Variants in MAP3K1 observed in about 807,000 individuals in gnomAD.
MAP3K1 encodes the protein mitogen-activated protein kinase kinase kinase 1, also known as MAP/ERK kinase kinase 1.
In MAP3K1, 36 loss-of-function variants were observed where a neutral mutation model predicts 144.2. That is an observed-to-expected ratio of 0.25 (90% CI 0.19 to 0.33). The LOEUF (loss-of-function observed/expected upper bound fraction) is 0.33, where lower values mean the gene tolerates loss of function less well. Ranked by LOEUF, MAP3K1 falls within the 10% of genes least tolerant of loss-of-function variation. The probability of loss-of-function intolerance (pLI) is 1.00; values close to 1 mark genes in which losing one functional copy is unlikely to be tolerated. For missense variants in MAP3K1, 1,650 were observed against 1,881.9 expected (o/e 0.88, Z 2.28); for synonymous variants, 718 against 688.7 (o/e 1.04, Z -0.67).
At chr5:56,820,086 T>C (rs1746108210) in intron 1 of MAP3K1, among the ~76,000 whole-genome samples, 1 of 152,232 alleles carries the variant, frequency 6.6e-6, no homozygotes, top group Admixed American at 6.5e-5. Context: ...CATATAGATA[T>C]GCCTAGATAC....
Position 56,880,762 on chromosome 5 carries a change from A to G in MAP3K1, c.2139A>G (p.Gln713=). The G allele has an allele frequency of 3.1e-6, 5 of 1,613,818 alleles. No homozygotes were observed. Among genetic ancestry groups the G allele is most frequent in the Non-Finnish European group, 4.2e-6 (5 of 1,179,818 alleles). The part of the protein sequence containing the change: ...ISTLLELCKG[Q]AGELAVGREI... Reference sequence around the variant, plus strand: ...CACTGTTGGAACTGTGCAAAGGCCAAGCAGGAGAGTTGGCAGTTGGCAGAG... The same window carrying G: ...CACTGTTGGAACTGTGCAAAGGCCAGGCAGGAGAGTTGGCAGTTGGCAGAG... The change falls in exon 12 of 20, where the codon CAA becomes CAG. Residue 713 remains glutamine (Q), a synonymous_variant. Coordinates refer to ENST00000399503, the MANE Select transcript of MAP3K1 (RefSeq NM_005921.2).
At chr5:56,820,538 C>A (rs1157158511) in intron 1 of MAP3K1, 1 of 985,134 alleles carries the variant, frequency 1.0e-6, no homozygotes, top group Non-Finnish European at 1.2e-6. Context: ...GTATTTGGAT[C>A]ACCCTATCAT....
chr5:56,850,655 G>T (rs1035028877), intron 1 of MAP3K1, among the ~76,000 whole-genome samples: 2 of 152,140 alleles, frequency 1.3e-5, no homozygotes, highest in Admixed American at 6.5e-5. Context: ...ACCTGTGGGG[G>T]TTTGAATCTG....
chr5:56,830,953 A>G (rs746440156), intron 1 of MAP3K1, among the ~76,000 whole-genome samples: 4 of 151,544 alleles, frequency 2.6e-5, no homozygotes, highest in African/African-American at 7.3e-5. Flanking sequence ...GAGATTGCCT[A>G]CATTAAAAGC....
At chr5:56,864,184 C>G (rs910248960) in intron 3 of MAP3K1, among the ~76,000 whole-genome samples, 23 of 152,212 alleles carry the variant, frequency 1.5e-4, no homozygotes, top group African/African-American at 4.8e-4. Flanking sequence ...TATAAAATTA[C>G]CACATGGTTG....
chr5:56,894,983 G>T lies in MAP3K1; in HGVS notation c.*1303G>T, dbSNP rs1343662058. 4.3e-5 allele frequency: 10 copies of T among 231,266 alleles called. No homozygotes were observed. The highest frequency in any genetic ancestry group is 3.4e-4 in the Admixed American group (6 of 17,716). 14.3% of individuals were successfully genotyped at this position (231,266 alleles called of 1,614,324 possible). On this transcript the variant is annotated 3_prime_UTR_variant, in exon 20 of 20. Transcript: ENST00000399503. The stretch of plus-strand genomic sequence containing the variant: ...AAAATGGTAGCTTTTTAATCTTTTT[G>T]TGTGTGTGTGAGTCTTTTAAATCAA...
intron 2 of MAP3K1, among the ~76,000 whole-genome samples, chr5:56,859,467 C>A: frequency 6.6e-6 from 1 of 151,932 alleles, no homozygotes; most frequent in East Asian, 1.9e-4. Context: ...GTATGCATTA[C>A]AAAATTGTAA....
At chr5:56,849,233 C>T (rs566950204) in intron 1 of MAP3K1, among the ~76,000 whole-genome samples, 22 of 152,080 alleles carry the variant, frequency 1.4e-4, no homozygotes, top group Admixed American at 1.4e-3. Flanking sequence ...GCCTGTGGTC[C>T]CAGCTACTCG....
Position 56,838,498 on chromosome 5 carries a change from T to C in MAP3K1, c.483-18102T>C, listed in dbSNP as rs537206743. Among the ~76,000 whole-genome samples the C allele has an allele frequency of 2.0e-5, 3 of 152,352 alleles. No homozygotes were observed. The South Asian group carries it at 6.2e-4, about 32-fold the overall frequency. On this transcript the variant is annotated intron_variant, in intron 1 of 19. Transcript: ENST00000399503. ...TCATTGAAATGAGGAAGACATTATTTAGGAAGACAGTAATGATTCAGACTA... is the reference window on the plus strand; with the variant it reads ...TCATTGAAATGAGGAAGACATTATTCAGGAAGACAGTAATGATTCAGACTA...
At chr5:56,856,860 A>G in intron 2 of MAP3K1, 110 bp downstream of exon 2, 1 of 1,182,926 alleles carries the variant, frequency 8.5e-7, no homozygotes, top group South Asian at 1.3e-5. Flanking sequence ...TAAATGTAGT[A>G]GTTTTCTTTA....
At chr5:56,830,252 A>T (rs1746445568) in intron 1 of MAP3K1, among the ~76,000 whole-genome samples, 1 of 152,244 alleles carries the variant, frequency 6.6e-6, no homozygotes, top group African/African-American at 2.4e-5. Flanking sequence ...TTTAAAATTT[A>T]AAATGTCATA....
At chr5:56,854,042 G>A (rs1747258488) in intron 1 of MAP3K1, among the ~76,000 whole-genome samples, 1 of 152,138 alleles carries the variant, frequency 6.6e-6, no homozygotes, top group South Asian at 2.1e-4. Context: ...CTGGATGGGC[G>A]TGTGAATGGA....
chr5:56,823,252 C>A (rs1259441690), intron 1 of MAP3K1, among the ~76,000 whole-genome samples: 1 of 152,192 alleles, frequency 6.6e-6, no homozygotes, highest in African/African-American at 2.4e-5. Flanking sequence ...TGCCCTTGTT[C>A]CGTGGCAGGG....
intron 3 of MAP3K1, 131 bp downstream of exon 3, chr5:56,860,046 G>C (rs781283521): frequency 2.2e-5 from 18 of 828,952 alleles, no homozygotes; most frequent in Admixed American, 4.3e-5. Context: ...CTGAGGATGG[G>C]GGGGGTGGTT....
chr5:56,864,074 T>C lies in MAP3K1; in HGVS notation c.835-660T>C, dbSNP rs1057083608. ...AAGTTGGATTTTTAGTTTTTACTAC[T>C]AGACACAGCATTCTGCCTGCTTATG... On this transcript the variant is annotated intron_variant, in intron 3 of 19. Coordinates refer to ENST00000399503, the MANE Select transcript of MAP3K1 (RefSeq NM_005921.2). 1.4e-4 allele frequency among the ~76,000 whole-genome samples: 21 copies of C among 152,346 alleles called. No individual in the cohort carries two copies. In the Middle Eastern group the frequency reaches 0.014, roughly 99 times the overall value.
intron 19 of MAP3K1, among the ~76,000 whole-genome samples, chr5:56,891,148 A>C (rs1459279078): frequency 1.2e-3 from 176 of 141,456 alleles, no homozygotes; most frequent in African/African-American, 3.2e-3. Context: ...ACACACACAC[A>C]CCCCCCCCCC....
At position 56,882,394 on chromosome 5, in the gene MAP3K1, C is replaced by T; in HGVS notation, c.3194C>T (p.Pro1065Leu). 3 of 1,614,132 alleles carry T rather than the reference C, an allele frequency of 1.9e-6. No individual in the cohort carries two copies. The highest frequency in any genetic ancestry group is 2.2e-5 in the East Asian group (1 of 44,882). The change falls in exon 14 of 20, where the codon CCT (proline) becomes CTT (leucine). Residue 1065 changes from proline to leucine, a missense_variant. Coordinates refer to ENST00000399503, the MANE Select transcript of MAP3K1 (RefSeq NM_005921.2). The part of the protein sequence containing the change: ...SNIHRPKPSR[P>L]TPGNTSKQGD... Reference sequence around the variant, plus strand: ...ATACACAGGCCAAAGCCATCTAGACCTACCCCAGGTAATACAAGTAAACAG... The same window carrying T: ...ATACACAGGCCAAAGCCATCTAGACTTACCCCAGGTAATACAAGTAAACAG...
intron 3 of MAP3K1, among the ~76,000 whole-genome samples, chr5:56,863,789 T>TTTA (rs1747591126): frequency 6.6e-6 from 1 of 152,240 alleles, no homozygotes; most frequent in South Asian, 2.1e-4. Context: ...CTTGCCAACA[T>TTTA]TTATTACCCT....
intron 1 of MAP3K1, among the ~76,000 whole-genome samples, chr5:56,836,784 G>A (rs1294804262): frequency 6.6e-6 from 1 of 152,112 alleles, no homozygotes; most frequent in African/African-American, 2.4e-5. Context: ...CTGAAGGAAA[G>A]GGACCCAGGA....
Sources: gnomAD v4.1 joint callset for allele counts (sites outside exome capture counted in the v4.1 genomes callset) on GRCh38, gnomAD v4.1.1 for gene constraint, MANE v1.5 for transcripts, NCBI Gene and HGNC (gene_info 2026-07-23, HGNC 2026-07-21) for gene names.